The following VPS54 variants were observed in gnomAD, a reference collection of about 807,000 sequenced individuals.
The protein encoded by VPS54 is VPS54 subunit of GARP complex.
A neutral mutation model predicts 121.5 loss-of-function variants in VPS54; 45 were observed. The ratio of observed to expected loss-of-function variants is 0.37; its 90% CI spans 0.29 to 0.47. VPS54 has a LOEUF of 0.47. Among genes scored for constraint, VPS54 ranks in the 20% least tolerant of loss-of-function variants. The pLI is 0.99. For missense variants in VPS54, 1,090 were observed against 1,131.4 expected (o/e 0.96, Z 0.52); for synonymous variants, 371 against 385.8 (o/e 0.96, Z 0.45).
At chr2:63,949,827 G>A (rs940759643) in intron 7 of VPS54, among the ~76,000 whole-genome samples, 1 of 152,098 alleles carries the variant, frequency 6.6e-6, no homozygotes, top group African/African-American at 2.4e-5. Context: ...GTTTCTATAT[G>A]GTACCAATCC....
At chr2:64,000,962 G>C (rs1677844850) in intron 1 of VPS54, among the ~76,000 whole-genome samples, 1 of 152,220 alleles carries the variant, frequency 6.6e-6, no homozygotes, top group African/African-American at 2.4e-5. Context: ...TTCTCTTCAA[G>C]ACAGCAAGTG....
At chr2:63,914,444 A>G (rs1489114928) in intron 16 of VPS54, among the ~76,000 whole-genome samples, 157 bp from the exon 17 acceptor site, 1 of 152,240 alleles carries the variant, frequency 6.6e-6, no homozygotes, top group Non-Finnish European at 1.5e-5. Context: ...CTACTAGTAC[A>G]GCAGGTTCTT....
At chr2:63,948,933 T>G in intron 8 of VPS54, 104 bp downstream of exon 8, 7 of 1,440,170 alleles carry the variant, frequency 4.9e-6, no homozygotes, top group Non-Finnish European at 6.5e-6. Context: ...TGATAGCCCT[T>G]GAAATTTAAG....
chr2:63,991,895 G>A (rs976875534), intron 1 of VPS54, among the ~76,000 whole-genome samples: 6 of 152,296 alleles, frequency 3.9e-5, no homozygotes, highest in Admixed American at 6.5e-5. Flanking sequence ...CCACCTCCAC[G>A]TTAGGGGTTG....
At chr2:63,972,831 T>C (rs1053475272) in intron 3 of VPS54, among the ~76,000 whole-genome samples, 1 of 150,854 alleles carries the variant, frequency 6.6e-6, no homozygotes, top group African/African-American at 2.4e-5. Context: ...TGAACCGAGA[T>C]CATGCCATTG....
intron 7 of VPS54, among the ~76,000 whole-genome samples, chr2:63,952,517 T>C (rs1406571668): frequency 6.6e-6 from 1 of 152,188 alleles, no homozygotes; most frequent in East Asian, 1.9e-4. Context: ...AAAGATGAGA[T>C]ATAACACAAT....
intron 22 of VPS54, among the ~76,000 whole-genome samples, chr2:63,896,779 G>A (rs955201143): frequency 3.9e-5 from 6 of 152,018 alleles, no homozygotes; most frequent in South Asian, 2.1e-4. Flanking sequence ...ATATTAATAC[G>A]TAACTAAATG....
chr2:63,909,179 T>A (rs1192566967), intron 20 of VPS54, among the ~76,000 whole-genome samples: 6 of 152,180 alleles, frequency 3.9e-5, no homozygotes, highest in African/African-American at 7.2e-5. Context: ...ATATCCTACA[T>A]CCTGTCATAG....
intron 11 of VPS54, among the ~76,000 whole-genome samples, chr2:63,938,835 G>A (rs183229204): frequency 6.6e-6 from 1 of 152,290 alleles, no homozygotes; most frequent in Admixed American, 6.5e-5. Flanking sequence ...ATGGATGTTT[G>A]TTAACAGTAG....
At chr2:63,944,049 G>C (rs551765409) in intron 10 of VPS54, among the ~76,000 whole-genome samples, 1 of 150,956 alleles carries the variant, frequency 6.6e-6, no homozygotes, top group African/African-American at 2.4e-5. Context: ...GGAATTTCTA[G>C]GGTGAAAACA....
intron 3 of VPS54, among the ~76,000 whole-genome samples, chr2:63,980,058 T>C (rs767867511): frequency 3.9e-5 from 6 of 152,194 alleles, no homozygotes; most frequent in Admixed American, 1.3e-4. Flanking sequence ...TGAAAGAGTA[T>C]TGAAATCTCC....
chr2:63,978,037 A>G (rs1310129302), intron 3 of VPS54, among the ~76,000 whole-genome samples: 2 of 152,174 alleles, frequency 1.3e-5, no homozygotes, highest in Non-Finnish European at 2.9e-5. Flanking sequence ...ATGTGGTGGT[A>G]ATGCGTGAAG....
At chr2:64,003,513 T>A (rs1156245776) in intron 1 of VPS54, among the ~76,000 whole-genome samples, 1 of 152,208 alleles carries the variant, frequency 6.6e-6, no homozygotes, top group East Asian at 1.9e-4. Flanking sequence ...CATTTCTTGA[T>A]GTTTCTGTTT....
intron 7 of VPS54, among the ~76,000 whole-genome samples, chr2:63,959,501 A>T (rs1324462437): frequency 1.3e-5 from 2 of 152,238 alleles, no homozygotes; most frequent in Admixed American, 6.5e-5. Context: ...ATGAAGAAAT[A>T]ACACTCTTTA....
At chr2:63,902,928 A>G (rs1290730898) in intron 20 of VPS54, among the ~76,000 whole-genome samples, 1 of 152,208 alleles carries the variant, frequency 6.6e-6, no homozygotes, top group Non-Finnish European at 1.5e-5. Context: ...AGATCATGCA[A>G]CTGTGCTCCA....
intron 20 of VPS54, among the ~76,000 whole-genome samples, chr2:63,903,887 G>A (rs749319705): frequency 5.9e-5 from 9 of 152,058 alleles, no homozygotes; most frequent in African/African-American, 1.9e-4. Context: ...CAAGATGACA[G>A]ATTTAAATCT....
At chr2:64,012,033 T>C (rs1678453217) in intron 1 of VPS54, among the ~76,000 whole-genome samples, 2 of 152,194 alleles carry the variant, frequency 1.3e-5, no homozygotes, top group African/African-American at 4.8e-5. Context: ...TTATGATTAC[T>C]ATAACCTCAA....
intron 1 of VPS54, among the ~76,000 whole-genome samples, chr2:64,000,183 T>A (rs953833148): frequency 2.0e-5 from 3 of 152,192 alleles, no homozygotes; most frequent in African/African-American, 7.2e-5. Flanking sequence ...TAAGCCATTA[T>A]GATGCATTCT....
intron 7 of VPS54, among the ~76,000 whole-genome samples, chr2:63,958,310 C>G (rs978744014): frequency 6.6e-6 from 1 of 151,846 alleles, no homozygotes; most frequent in Non-Finnish European, 1.5e-5. Context: ...TCAAAAAATA[C>G]AGAAGGAATG....
Sources: gnomAD v4.1 joint callset for allele counts (sites outside exome capture counted in the v4.1 genomes callset) on GRCh38, gnomAD v4.1.1 for gene constraint, MANE v1.5 for transcripts, NCBI Gene and HGNC (gene_info 2026-07-23, HGNC 2026-07-21) for gene names.